DPY19L2: variants seen among roughly 807,000 people sequenced by gnomAD.
DPY19L2 encodes the protein probable C-mannosyltransferase DPY19L2.
In DPY19L2, 34 loss-of-function variants were observed where a neutral mutation model predicts 97.9. The ratio of observed to expected loss-of-function variants is 0.35; its 90% confidence interval spans 0.26 to 0.46. DPY19L2 has a LOEUF of 0.46. Among genes scored for constraint, DPY19L2 ranks in the 20% least tolerant of loss-of-function variants. DPY19L2 has a pLI of 1.00. For missense variants in DPY19L2, 623 were observed against 911.4 expected, an observed-to-expected ratio of 0.68 and a Z score of 4.07; for synonymous variants, 230 against 307.9, an observed-to-expected ratio of 0.75 and a Z score of 2.65.
chr12:63,575,786 T>A (rs1025317275), intron 19 of DPY19L2, among the ~76,000 whole-genome samples: 3 of 151,902 alleles, frequency 2.0e-5, no homozygotes, highest in Non-Finnish European at 2.9e-5. Flanking sequence ...GGTAATGAGA[T>A]CAAATCTCTA....
intron 21 of DPY19L2, among the ~76,000 whole-genome samples, chr12:63,567,063 T>A (rs966054051): frequency 6.6e-6 from 1 of 152,106 alleles, no homozygotes; most frequent in African/African-American, 2.4e-5. Context: ...TGTTAACTAA[T>A]ATTCACTCTA....
At chr12:63,566,674 T>C (rs1366905338) in intron 21 of DPY19L2, among the ~76,000 whole-genome samples, 1 of 151,976 alleles carries the variant, frequency 6.6e-6, no homozygotes, top group Non-Finnish European at 1.5e-5. Context: ...AGATCACTAT[T>C]ATTTAATCAT....
chr12:63,631,306 C>T (rs7300685), intron 6 of DPY19L2, among the ~76,000 whole-genome samples: 42,119 of 151,690 alleles, frequency 0.28, 6,528 homozygotes, highest in African/African-American at 0.42. Flanking sequence ...ATCAACAAAA[C>T]TGATACACCG....
chr12:63,569,355 A>G lies in DPY19L2; in HGVS notation c.2001-6T>C. 2.6e-6 allele frequency: 4 copies of G among 1,557,270 alleles called. No homozygotes were observed. The highest frequency in any genetic ancestry group is 3.5e-6 in the Non-Finnish European group (4 of 1,153,278). Reference sequence around the variant, plus strand: ...AAACTATTTTTGTCCGAGCCCTTTAAATTTAAACAATAATTTAAAAGATTT... The same window carrying G: ...AAACTATTTTTGTCCGAGCCCTTTAGATTTAAACAATAATTTAAAAGATTT... On this transcript the variant is annotated splice_region_variant and splice_polypyrimidine_tract_variant and intron_variant, in intron 20 of 21. Transcript: ENST00000324472.
In DPY19L2 at chr12:63,580,574, T is replaced by C. The variant is rs554126167; in HGVS notation, c.1900+88A>G. 17 of 1,337,404 alleles carry C rather than the reference T, an allele frequency of 1.3e-5. No homozygotes were observed. In the African/African-American group the frequency reaches 2.5e-4, roughly 20 times the overall value. 82.8% of individuals were successfully genotyped at this position (1,337,404 alleles called of 1,614,324 possible). A position where few individuals can be genotyped will look rare whatever the true frequency, so the allele number is the denominator to read the frequency against. On this transcript the variant is annotated intron_variant, in intron 19 of 21. Transcript: ENST00000324472. ...TCTGTCATACACACATACACACATA[T>C]ATCAGAAATGACAATAATTATATAT... is the stretch of plus-strand genomic sequence containing the variant.
chr12:63,608,727 ATTTTG>A, intron 11 of DPY19L2, 52 bp from the exon 12 acceptor site: 7 of 1,020,546 alleles, frequency 6.9e-6, no homozygotes, highest in Non-Finnish European at 1.0e-5. Flanking sequence ...TAACATTTAT[ATTTTG>A]TATAAATGGT....
In DPY19L2 at chr12:63,575,375, C is replaced by T. The variant is rs565683742; in HGVS notation, c.1901-4518G>A. Reference sequence around the variant, plus strand: ...GCCCACATCAAAAAAGAAGAAAAACCTCAAATTAACAACTCAATGATGCTT... The same window carrying T: ...GCCCACATCAAAAAAGAAGAAAAACTTCAAATTAACAACTCAATGATGCTT... On this transcript the variant is annotated intron_variant, in intron 19 of 21. Coordinates refer to ENST00000324472, the MANE Select transcript of DPY19L2 (RefSeq NM_173812.5). Among the ~76,000 whole-genome samples, 8 of 151,682 alleles carry T rather than the reference C, an allele frequency of 5.3e-5. No individual in the cohort carries two copies. The South Asian group carries it at 1.0e-3, about 20-fold the overall frequency.
intron 2 of DPY19L2, among the ~76,000 whole-genome samples, chr12:63,664,430 C>T (rs1896083669): frequency 6.6e-6 from 1 of 151,976 alleles, no homozygotes; most frequent in Admixed American, 6.6e-5. Context: ...GCCTCCAAAT[C>T]AGAACAGAGG....
chr12:63,645,840 A>G (rs1299504749), intron 5 of DPY19L2, among the ~76,000 whole-genome samples: 2 of 151,962 alleles, frequency 1.3e-5, no homozygotes, highest in Admixed American at 1.3e-4. Context: ...TCCTTTACTA[A>G]TATTTTTTCC....
intron 12 of DPY19L2, among the ~76,000 whole-genome samples, chr12:63,606,609 T>C (rs1317829981): frequency 6.6e-6 from 1 of 152,172 alleles, no homozygotes; most frequent in Non-Finnish European, 1.5e-5. Flanking sequence ...CTTTATCAGA[T>C]ATATGGCTGT....
At chr12:63,644,671 C>T (rs1052212906) in intron 5 of DPY19L2, among the ~76,000 whole-genome samples, 175 bp from the exon 6 acceptor site, 1 of 151,082 alleles carries the variant, frequency 6.6e-6, no homozygotes, top group African/African-American at 2.4e-5. Context: ...TGTGTGTGTG[C>T]TTGCAGACAC....
Position 63,589,357 on chromosome 12 carries a change from CAAAAAAAAAAAAAAAAAA to C in DPY19L2, c.1580+4712_1580+4729del, listed in dbSNP as rs71086687. Among the ~76,000 whole-genome samples, 32 of 18,996 alleles carry C rather than the reference CAAAAAAAAAAAAAAAAAA, an allele frequency of 1.7e-3. No individual in the cohort carries two copies. In the East Asian group the frequency reaches 0.026, roughly 15 times the overall value. The allele number at this position is 18,996 out of a possible 152,430, so 12.5% of individuals were successfully genotyped here. ...AATGTGGCTAGATAAAAATGTGTTG[CAAAAAAAAAAAAAAAAAA>C]AAAAAAAAAAAAAAAAAGTAAAGCA... On this transcript the variant is annotated intron_variant, in intron 16 of 21. Transcript: ENST00000324472.
At chr12:63,591,581 G>A (rs182185824) in intron 16 of DPY19L2, among the ~76,000 whole-genome samples, 103 of 152,120 alleles carry the variant, frequency 6.8e-4, no homozygotes, top group African/African-American at 2.3e-3. Context: ...TGACTGATAC[G>A]ATACATTTTG....
At chr12:63,668,650 G>A (rs958337396), upstream of DPY19L2, 2 of 496,008 alleles carry the variant, frequency 4.0e-6, no homozygotes, top group African/African-American at 3.9e-5. Flanking sequence ...GCTTCCCAGA[G>A]CGTGCAGCTT....
chr12:63,605,303 C>G (rs1885854279), intron 12 of DPY19L2, among the ~76,000 whole-genome samples: 1 of 152,126 alleles, frequency 6.6e-6, no homozygotes, highest in Admixed American at 6.5e-5. Flanking sequence ...CTGCTGCTAC[C>G]TGCATGGGCA....
Position 63,659,065 on chromosome 12 carries a change from T to C in DPY19L2, c.588+2279A>G, listed in dbSNP as rs373512505. ...CTATCATATGTCAATTATACCTCAA[T>C]AAAGCTGTTTAAAAACATTTAGGGT... On this transcript the variant is annotated intron_variant, in intron 4 of 21. Transcript: ENST00000324472. Among the ~76,000 whole-genome samples the C allele has an allele frequency of 1.2e-4, 18 of 152,230 alleles. No homozygotes were observed. In the East Asian group the frequency reaches 3.5e-3, roughly 29 times the overall value.
chr12:63,605,036 A>C (rs1468526525), intron 12 of DPY19L2, among the ~76,000 whole-genome samples: 3 of 152,076 alleles, frequency 2.0e-5, no homozygotes, highest in Admixed American at 1.3e-4. Flanking sequence ...TCTGTTTGCT[A>C]TAGTTACAAT....
At chr12:63,648,456 C>T (rs1277262410) in intron 4 of DPY19L2, among the ~76,000 whole-genome samples, 3 of 151,338 alleles carry the variant, frequency 2.0e-5, no homozygotes, top group Non-Finnish European at 4.4e-5. Flanking sequence ...GACAGAGTCT[C>T]GCTCTTTTCA....
At chr12:63,660,289 AATAC>A (rs1325466421) in intron 4 of DPY19L2, among the ~76,000 whole-genome samples, 5 of 152,058 alleles carry the variant, frequency 3.3e-5, no homozygotes, top group Non-Finnish European at 7.4e-5. Context: ...AAGATGGGGA[AATAC>A]ATAAACTTTA....
Sources: gnomAD v4.1 joint callset for allele counts (sites outside exome capture counted in the v4.1 genomes callset) on GRCh38, gnomAD v4.1.1 for gene constraint, MANE v1.5 for transcripts, NCBI Gene and HGNC (gene_info 2026-07-23, HGNC 2026-07-21) for gene names.